The following METAP1 variants were observed in gnomAD, a reference collection of about 807,000 sequenced individuals.
The protein encoded by METAP1 is methionine aminopeptidase 1.
A neutral mutation model predicts 53.8 loss-of-function variants in METAP1; 28 were observed. The observed-to-expected ratio is 0.52, with a 90% CI of 0.39 to 0.71. The LOEUF (loss-of-function observed/expected upper bound fraction) is 0.71. METAP1 is among the 30% of genes least tolerant of loss of function. The probability of loss-of-function intolerance (pLI) is 0.00; values close to 1 mark genes in which losing one functional copy is unlikely to be tolerated. For missense variants in METAP1, 389 were observed against 479.8 expected (o/e 0.81, Z 1.77); for synonymous variants, 181 against 165.7 (o/e 1.09, Z -0.71).
chr4:99,039,563 A>G (rs1579305373), intron 5 of METAP1, 98 bp downstream of exon 5: 3 of 631,794 alleles, frequency 4.7e-6, no homozygotes, highest in South Asian at 2.4e-5. Context: ...CAAATGTTAT[A>G]TTGTTAGACT....
At chr4:99,050,019 T>C (rs1386537352) in intron 9 of METAP1, among the ~76,000 whole-genome samples, 2 of 152,162 alleles carry the variant, frequency 1.3e-5, no homozygotes, top group Non-Finnish European at 2.9e-5. Context: ...CAGACTAGCA[T>C]TGATACCTGG....
intron 1 of METAP1, among the ~76,000 whole-genome samples, chr4:99,013,766 G>A (rs1201869760): frequency 6.6e-6 from 1 of 152,196 alleles, no homozygotes; most frequent in Non-Finnish European, 1.5e-5. Flanking sequence ...AATAAGGAAT[G>A]GCATGTATCC....
intron 1 of METAP1, among the ~76,000 whole-genome samples, chr4:99,024,149 G>C (rs1432374775): frequency 6.6e-6 from 1 of 152,182 alleles, no homozygotes; most frequent in Admixed American, 6.5e-5. Flanking sequence ...GAAAAGCATC[G>C]TAAAAATCCC....
chr4:99,034,127 CA>C, intron 2 of METAP1, 102 bp from the exon 3 acceptor site: 1 of 715,072 alleles, frequency 1.4e-6, no homozygotes, highest in East Asian at 2.8e-5. Flanking sequence ...TGGTTTTAAA[CA>C]AGAGATATTC....
At chr4:98,995,938 T>G (rs1722595506) in intron 1 of METAP1, 71 bp downstream of exon 1, 1 of 1,261,372 alleles carries the variant, frequency 7.9e-7, no homozygotes. Flanking sequence ...TGCTGGCTCC[T>G]CCCGCCCTTG....
At chr4:99,008,116 G>A (rs1434345321) in intron 1 of METAP1, among the ~76,000 whole-genome samples, 1 of 152,184 alleles carries the variant, frequency 6.6e-6, no homozygotes, top group Non-Finnish European at 1.5e-5. Context: ...GCTTTGAAAC[G>A]CCTCATGAAG....
At chr4:99,031,621 A>G in intron 2 of METAP1, 2 of 1,256,180 alleles carry the variant, frequency 1.6e-6, no homozygotes, top group Non-Finnish European at 2.1e-6. Context: ...AGGATTAAAT[A>G]AAGAAATCCA....
intron 10 of METAP1, among the ~76,000 whole-genome samples, chr4:99,058,094 A>T (rs1010245237): frequency 7.9e-5 from 12 of 152,116 alleles, no homozygotes; most frequent in African/African-American, 2.9e-4. Context: ...CATTGTAATA[A>T]TGAGGTGCCC....
chr4:99,016,503 A>G (rs1723775867), intron 1 of METAP1, among the ~76,000 whole-genome samples: 1 of 152,182 alleles, frequency 6.6e-6, no homozygotes. Context: ...GGGTCCCATT[A>G]TCTGAGTCAA....
intron 2 of METAP1, among the ~76,000 whole-genome samples, chr4:99,029,451 T>C (rs1327098528): frequency 6.6e-6 from 1 of 152,218 alleles, no homozygotes; most frequent in Non-Finnish European, 1.5e-5. Flanking sequence ...TAGCTATTAC[T>C]GTCAGCCACA....
intron 8 of METAP1, 146 bp downstream of exon 8, chr4:99,045,456 T>C (rs1726153889): frequency 1.3e-6 from 1 of 783,058 alleles, no homozygotes; most frequent in East Asian, 2.9e-5. Context: ...CAGTAATGGG[T>C]AAAAGGATGA....
chr4:99,054,619 T>C (rs1470512192), intron 9 of METAP1, among the ~76,000 whole-genome samples: 2 of 152,246 alleles, frequency 1.3e-5, no homozygotes, highest in Admixed American at 6.5e-5. Flanking sequence ...ACAAGAGACC[T>C]AGCTTTTGGC....
At position 99,036,579 on chromosome 4, in the gene METAP1, C is replaced by G. The variant is rs1013888091; in HGVS notation, c.340+1119C>G. Among the ~76,000 whole-genome samples, 4 of 152,028 alleles carry G rather than the reference C, an allele frequency of 2.6e-5. No individual in the cohort carries two copies. The East Asian group carries it at 7.7e-4, about 29-fold the overall frequency. ...GGACCCCGTCTCTGCCATCTATACACAAATGGAAAAAACTATATTTACCTT... is the reference window on the plus strand; with the variant it reads ...GGACCCCGTCTCTGCCATCTATACAGAAATGGAAAAAACTATATTTACCTT... On this transcript the variant is annotated intron_variant, in intron 4 of 10. Transcript: ENST00000296411.
intron 1 of METAP1, among the ~76,000 whole-genome samples, chr4:99,012,079 T>G (rs918242756): frequency 2.0e-5 from 3 of 152,188 alleles, no homozygotes; most frequent in Admixed American, 6.5e-5. Context: ...TTTATTTTTT[T>G]GGGTAAAGAT....
intron 10 of METAP1, among the ~76,000 whole-genome samples, chr4:99,058,272 C>T (rs749896169): frequency 2.0e-5 from 3 of 152,052 alleles, no homozygotes; most frequent in Non-Finnish European, 4.4e-5. Context: ...GGAAACTGGT[C>T]CTTGAAGAGG....
chr4:99,031,509 GAGA>G, intron 2 of METAP1: 1 of 1,288,130 alleles, frequency 7.8e-7, no homozygotes, highest in South Asian at 1.2e-5. Flanking sequence ...GGATTACAGA[GAGA>G]AGGTGTTATG....
chr4:98,996,343 G>T (rs1002529113), intron 1 of METAP1, among the ~76,000 whole-genome samples: 3 of 152,214 alleles, frequency 2.0e-5, no homozygotes, highest in African/African-American at 7.2e-5. Flanking sequence ...CCTGCGGGGT[G>T]GGGGGCTGAA....
intron 1 of METAP1, among the ~76,000 whole-genome samples, chr4:99,008,691 T>C (rs1723307060): frequency 6.6e-6 from 1 of 152,226 alleles, no homozygotes; most frequent in Admixed American, 6.5e-5. Flanking sequence ...AAATGAGATA[T>C]CTGTGATAAT....
At chr4:99,046,411 GAAAAA>G (rs1726237666) in intron 8 of METAP1, among the ~76,000 whole-genome samples, 1 of 151,542 alleles carries the variant, frequency 6.6e-6, no homozygotes, top group Admixed American at 6.6e-5. Context: ...AAGAAGAAAA[GAAAAA>G]AAAGAAAGGA....
Sources: gnomAD v4.1 joint callset for allele counts (sites outside exome capture counted in the v4.1 genomes callset) on GRCh38, gnomAD v4.1.1 for gene constraint, MANE v1.5 for transcripts, NCBI Gene and HGNC (gene_info 2026-07-23, HGNC 2026-07-21) for gene names.